The following N4BP1 variants were observed in gnomAD, a reference collection of about 807,000 sequenced individuals.
The protein encoded by N4BP1 is NEDD4-binding protein 1.
In N4BP1, 21 loss-of-function variants were observed where a neutral mutation model predicts 70.9. That is an observed-to-expected ratio of 0.30 (90% confidence interval 0.21 to 0.43). The LOEUF (loss-of-function observed/expected upper bound fraction) is 0.43, where lower values mean the gene tolerates loss of function less well. Among genes scored for constraint, N4BP1 ranks in the 20% least tolerant of loss-of-function variants. The pLI is 1.00. For missense variants in N4BP1, 936 were observed against 1,069.4 expected, an observed-to-expected ratio of 0.88 and a Z score of 1.74; for synonymous variants, 387 against 394.6, an observed-to-expected ratio of 0.98 and a Z score of 0.23.
At chr16:48,547,977 T>C in intron 5 of N4BP1, 30 bp downstream of exon 5, 1 of 1,401,364 alleles carries the variant, frequency 7.1e-7, no homozygotes, top group Non-Finnish European at 1.0e-6. Flanking sequence ...ACAAAACTTT[T>C]CTGACCAAAG....
intron 2 of N4BP1, among the ~76,000 whole-genome samples, chr16:48,558,320 AAAAAG>A (rs1245519536): frequency 7.2e-5 from 11 of 151,922 alleles, no homozygotes; most frequent in South Asian, 2.1e-4. Flanking sequence ...GAAGAAATAA[AAAAAG>A]AAAGCTTGCA....
intron 1 of N4BP1, among the ~76,000 whole-genome samples, chr16:48,574,004 T>C (rs1189833693): frequency 2.0e-5 from 3 of 152,178 alleles, no homozygotes; most frequent in South Asian, 4.1e-4. Context: ...AAAATCTGCA[T>C]ATAAGCAGAC....
In N4BP1 at chr16:48,553,616, T is replaced by C; in HGVS notation, c.1943A>G (p.Tyr648Cys). The change falls in exon 3 of 7, where the codon TAT (tyrosine) becomes TGT (cysteine). Residue 648 changes from tyrosine (Y) to cysteine (C), a missense_variant. This residue lies in a region of N4BP1 where 229 missense variants were observed against 343.5 expected (regional missense o/e 0.67). Coordinates refer to ENST00000262384, the MANE Select transcript of N4BP1 (RefSeq NM_153029.4). ...SCRGIAIAVE[Y>C]FWKLGNRNIT... ...GTTTCTGTTGCCAAGCTTCCAAAAA[T>C]ATTCAACTGCAATTGCAATTCCACG... The C allele has an allele frequency of 6.2e-7, 1 of 1,605,088 alleles. No individual in the cohort carries two copies. Among genetic ancestry groups the C allele is most frequent in the Non-Finnish European group, 8.5e-7 (1 of 1,176,120 alleles).
intron 1 of N4BP1, among the ~76,000 whole-genome samples, chr16:48,590,909 TCTC>T (rs1326100400): frequency 1.3e-5 from 2 of 152,072 alleles, no homozygotes; most frequent in African/African-American, 2.4e-5. Flanking sequence ...TAGGAAGACT[TCTC>T]CTCAATCCAG....
rs1260789972 is a variant in N4BP1 at position 48,550,818 on chromosome 16, T to C, written c.2117+568A>G. Among the ~76,000 whole-genome samples, 5 of 151,916 alleles carry C rather than the reference T, an allele frequency of 3.3e-5. No homozygotes were observed. The East Asian group carries it at 9.6e-4, about 29-fold the overall frequency. Reference sequence around the variant, plus strand: ...CTGTAATCCCAGCTACTTGGGAGGCTGAGGCAGGAGAATCGCTTGAACCCA... The same window carrying C: ...CTGTAATCCCAGCTACTTGGGAGGCCGAGGCAGGAGAATCGCTTGAACCCA... On this transcript the variant is annotated intron_variant, in intron 4 of 6. Coordinates refer to ENST00000262384, the MANE Select transcript of N4BP1 (RefSeq NM_153029.4).
intron 4 of N4BP1, among the ~76,000 whole-genome samples, chr16:48,550,038 T>C (rs1439226386): frequency 1.3e-5 from 2 of 152,238 alleles, no homozygotes; most frequent in Non-Finnish European, 2.9e-5. Flanking sequence ...AAACTGGTCC[T>C]ATTTCCATTG....
chr16:48,608,400 C>G (rs1964618758), intron 1 of N4BP1, among the ~76,000 whole-genome samples: 2 of 152,164 alleles, frequency 1.3e-5, no homozygotes, highest in African/African-American at 4.8e-5. Context: ...TTTGTTAAAT[C>G]TAAGAACATC....
chr16:48,544,514 T>G (rs957028448), intron 6 of N4BP1, among the ~76,000 whole-genome samples: 1 of 152,192 alleles, frequency 6.6e-6, no homozygotes, highest in African/African-American at 2.4e-5. Context: ...GGTTTAGTTT[T>G]TAAAAAGAGT....
rs773566179 is a variant in N4BP1, at chr16:48,561,367, T to G, written c.1276A>C (p.Thr426Pro). ...SSTNELTTDSTPKKTQAHTQQ... is the reference protein window; with the variant it reads ...SSTNELTTDSPPKKTQAHTQQ... ...GTGTGAGCCTGTGTTTTCTTTGGAG[T>G]GGAATCAGTTGTAAGCTCATTTGTG... The change falls in exon 2 of 7, where the codon ACT becomes CCT. Residue 426 changes from threonine to proline, a missense_variant. Thr to Pro is a conservative substitution (Grantham distance 38). Transcript: ENST00000262384. 1 of 1,613,802 alleles carries G rather than the reference T, an allele frequency of 6.2e-7. No individual in the cohort carries two copies. The highest frequency in any genetic ancestry group is 1.3e-5 in the African/African-American group (1 of 74,920).
intron 1 of N4BP1, among the ~76,000 whole-genome samples, chr16:48,576,604 C>T (rs762726306): frequency 4.6e-5 from 7 of 152,212 alleles, no homozygotes; most frequent in Non-Finnish European, 1.0e-4. Context: ...TGTTGTCATT[C>T]TTCTCATTCT....
chr16:48,561,370 A>T lies in N4BP1; in HGVS notation c.1273T>A (p.Ser425Thr), dbSNP rs761195723. The stretch of plus-strand genomic sequence containing the variant: ...TGAGCCTGTGTTTTCTTTGGAGTGG[A>T]ATCAGTTGTAAGCTCATTTGTGCTG... ...YSSTNELTTDSTPKKTQAHTQ... is the reference protein window; with the variant it reads ...YSSTNELTTDTTPKKTQAHTQ... The change falls in exon 2 of 7, where the codon TCC (serine) becomes ACC (threonine). Residue 425 changes from serine to threonine, a missense_variant. Around this residue, in one of 4 missense-constraint regions of N4BP1, gnomAD observed 515 missense variants for 491.7 expected, o/e 1.05. Coordinates refer to ENST00000262384, the MANE Select transcript of N4BP1 (RefSeq NM_153029.4). The T allele has an allele frequency of 3.6e-5, 58 of 1,613,932 alleles. No homozygotes were observed. The highest frequency in any genetic ancestry group is 4.8e-5 in the Non-Finnish European group (57 of 1,179,884).
At position 48,538,822 on chromosome 16, in the gene N4BP1, G is replaced by A. The variant is rs765905870; in HGVS notation, c.*4082C>T. ...GAGAACACAGGCGGTCCCTGCCCACGAGGAGCTCACAGTCTAGAAAGGGCA... is the reference window on the plus strand; with the variant it reads ...GAGAACACAGGCGGTCCCTGCCCACAAGGAGCTCACAGTCTAGAAAGGGCA... On this transcript the variant is annotated 3_prime_UTR_variant, in exon 7 of 7. Coordinates refer to ENST00000262384, the MANE Select transcript of N4BP1 (RefSeq NM_153029.4). 11 of 152,880 alleles carry A rather than the reference G, an allele frequency of 7.2e-5. No individual in the cohort carries two copies. Among genetic ancestry groups the A allele is most frequent in the Non-Finnish European group, 1.2e-4 (8 of 68,640 alleles). 9.5% of individuals were successfully genotyped at this position (152,880 alleles called of 1,614,324 possible).
rs139694165 is a variant in N4BP1, at chr16:48,584,896, T to A, written c.199-22452A>T. Among the ~76,000 whole-genome samples the A allele has an allele frequency of 1.1e-4, 17 of 152,318 alleles. No individual in the cohort carries two copies. The East Asian group carries it at 3.3e-3, about 29-fold the overall frequency. Reference sequence around the variant, plus strand: ...TTTAATACTAATTTAAAAATAGATGTCCTTTCCCTGATTTTACCAGTGTAG... The same window carrying A: ...TTTAATACTAATTTAAAAATAGATGACCTTTCCCTGATTTTACCAGTGTAG... On this transcript the variant is annotated intron_variant, in intron 1 of 6. Coordinates refer to ENST00000262384, the MANE Select transcript of N4BP1 (RefSeq NM_153029.4).
chr16:48,605,850 A>C (rs1397648843), intron 1 of N4BP1, among the ~76,000 whole-genome samples: 1 of 152,158 alleles, frequency 6.6e-6, no homozygotes, highest in Non-Finnish European at 1.5e-5. Context: ...GGCCCCAAGC[A>C]CTTTGTGATC....
intron 4 of N4BP1, among the ~76,000 whole-genome samples, chr16:48,549,856 G>A (rs1963640798): frequency 6.6e-6 from 1 of 152,168 alleles, no homozygotes; most frequent in Admixed American, 6.5e-5. Context: ...TATCTTCAAT[G>A]GAGTGGTGTT....
At chr16:48,587,665 A>T (rs182475138) in intron 1 of N4BP1, among the ~76,000 whole-genome samples, 169 of 152,312 alleles carry the variant, frequency 1.1e-3, no homozygotes, top group African/African-American at 3.9e-3. Context: ...TTTTTACCAG[A>T]AGAGAATCAG....
At chr16:48,579,807 G>T (rs1964151141) in intron 1 of N4BP1, among the ~76,000 whole-genome samples, 1 of 152,128 alleles carries the variant, frequency 6.6e-6, no homozygotes, top group Admixed American at 6.6e-5. Flanking sequence ...AAGAAAGCAG[G>T]CGTAGCTATA....
intron 1 of N4BP1, among the ~76,000 whole-genome samples, chr16:48,604,926 A>G (rs1964556220): frequency 6.6e-6 from 1 of 152,148 alleles, no homozygotes; most frequent in Admixed American, 6.5e-5. Flanking sequence ...ACACGGCTTC[A>G]TTCACCACAG....
At chr16:48,599,962 T>C (rs746700781) in intron 1 of N4BP1, among the ~76,000 whole-genome samples, 5 of 152,238 alleles carry the variant, frequency 3.3e-5, no homozygotes, top group Non-Finnish European at 5.9e-5. Flanking sequence ...TTATTTTGTA[T>C]AGGTTTCTAT....
Sources: gnomAD v4.1 joint callset for allele counts (sites outside exome capture counted in the v4.1 genomes callset) on GRCh38, gnomAD v4.1.1 for gene constraint, gnomAD v4.1.1 regional missense constraint, MANE v1.5 for transcripts, NCBI Gene and HGNC (gene_info 2026-07-23, HGNC 2026-07-21) for gene names.